The following FAM135B variants were observed in gnomAD, a reference collection of about 807,000 sequenced individuals.
FAM135B encodes the protein protein FAM135B.
A neutral mutation model predicts 127.7 loss-of-function variants in FAM135B; 43 were observed. That is an observed-to-expected ratio of 0.34 (90% CI 0.26 to 0.43). The LOEUF is 0.43. Among genes scored for constraint, FAM135B ranks in the 20% least tolerant of loss-of-function variants. The pLI, the probability that FAM135B is intolerant of heterozygous loss-of-function variation, is 1.00. For missense variants in FAM135B, 1,558 were observed against 1,725.6 expected (o/e 0.90, Z 1.72); for synonymous variants, 670 against 665.1 (o/e 1.01, Z -0.11).
chr8:138,151,308 C>G lies in FAM135B; in HGVS notation c.3167G>C (p.Gly1056Ala), dbSNP rs750416084. The stretch of plus-strand genomic sequence containing the variant: ...AAACAGGGTCTGTTTGGAAGAGAAT[C>G]CAGCCCTGGCAGGGGTCTCCTTGGG... ...SVPKETPARA[G>A]FSSKQTLFPI... Residue 1056 changes from glycine (G) to alanine (A), a missense_variant, in exon 13 of 20, where the codon GGA (glycine) becomes GCA (alanine). Physicochemically the swap from Gly to Ala is moderately conservative, Grantham distance 60 (BLOSUM62 0). Around this residue, in one of 5 missense-constraint regions of FAM135B, gnomAD observed 923 missense variants for 865.3 expected, o/e 1.07. Coordinates refer to ENST00000395297, the MANE Select transcript of FAM135B (RefSeq NM_015912.4). 2.5e-6 allele frequency: 4 copies of G among 1,613,878 alleles called. No homozygotes were observed. In the East Asian group the frequency reaches 8.9e-5, roughly 36 times the overall value.
chr8:138,344,591 T>C (rs78081713), intron 2 of FAM135B, among the ~76,000 whole-genome samples: 4 of 143,638 alleles, frequency 2.8e-5, no homozygotes, highest in Non-Finnish European at 6.3e-5. Flanking sequence ...TTTTTTTTTT[T>C]TTGTTAAGGA....
chr8:138,196,070 T>A (rs773803060), intron 8 of FAM135B, among the ~76,000 whole-genome samples: 2 of 152,234 alleles, frequency 1.3e-5, no homozygotes, highest in Non-Finnish European at 2.9e-5. Context: ...GAACTATTGA[T>A]ACATTAGTCA....
In FAM135B at chr8:138,241,240, C is replaced by T. The variant is rs1820744474; in HGVS notation, c.669+1702G>A. Among the ~76,000 whole-genome samples, 1 of 152,220 alleles carries T rather than the reference C, an allele frequency of 6.6e-6. No homozygotes were observed. Among genetic ancestry groups the T allele is most frequent in the Non-Finnish European group, 1.5e-5 (1 of 68,048 alleles). The stretch of plus-strand genomic sequence containing the variant: ...ACTGCTTTCCACTCGCTTTCTTACT[C>T]ATTCACTTCCTATGTGCTGGGCCCT... On this transcript the variant is annotated intron_variant, in intron 7 of 19. Transcript: ENST00000395297. This position sits in a 1 kb window ranked among gnomAD's most constrained non-coding sequence, Gnocchi z 4.8.
intron 2 of FAM135B, 103 bp from the exon 3 acceptor site, chr8:138,311,023 G>A: frequency 1.2e-6 from 1 of 863,790 alleles, no homozygotes; most frequent in Non-Finnish European, 1.8e-6. Context: ...AATCAGGGAA[G>A]TTTCTTGGCA....
intron 1 of FAM135B, among the ~76,000 whole-genome samples, chr8:138,404,106 T>C (rs1833312836): frequency 1.3e-5 from 2 of 152,142 alleles, no homozygotes; most frequent in South Asian, 2.1e-4. Context: ...GCAGGTTCAG[T>C]GCCAGACCAC....
intron 2 of FAM135B, among the ~76,000 whole-genome samples, chr8:138,315,773 G>T (rs914526275): frequency 1.4e-4 from 22 of 152,108 alleles, no homozygotes; most frequent in African/African-American, 4.1e-4. Context: ...AAAAATACAT[G>T]ATCTCACTTA....
At chr8:138,157,561 C>T (rs1377483931) in intron 12 of FAM135B, among the ~76,000 whole-genome samples, 1 of 141,554 alleles carries the variant, frequency 7.1e-6, no homozygotes, top group East Asian at 2.2e-4. Flanking sequence ...TTGTCTCAGC[C>T]CAAAATCTCC....
At chr8:138,451,040 C>T (rs914599359) in intron 1 of FAM135B, among the ~76,000 whole-genome samples, 21 of 152,134 alleles carry the variant, frequency 1.4e-4, no homozygotes, top group African/African-American at 4.6e-4. Flanking sequence ...GGCAGTCTGG[C>T]CCCAGGGTCT....
At chr8:138,164,264 T>G (rs904881574) in intron 12 of FAM135B, among the ~76,000 whole-genome samples, 1 of 152,062 alleles carries the variant, frequency 6.6e-6, no homozygotes, top group African/African-American at 2.4e-5. Context: ...AAAAGTAGTC[T>G]GAGGGATAGA....
chr8:138,321,797 GGCACCCA>G, intron 2 of FAM135B, among the ~76,000 whole-genome samples: 1 of 152,228 alleles, frequency 6.6e-6, no homozygotes, highest in Non-Finnish European at 1.5e-5. Flanking sequence ...AGGCACCTTG[GGCACCCA>G]GCATCACACT....
At chr8:138,274,431 A>C (rs900929456) in intron 3 of FAM135B, among the ~76,000 whole-genome samples, 2 of 152,188 alleles carry the variant, frequency 1.3e-5, no homozygotes, top group African/African-American at 4.8e-5. Flanking sequence ...AGGTAATAGA[A>C]TATCACAAGG....
chr8:138,182,343 C>G (rs558950178), intron 9 of FAM135B, among the ~76,000 whole-genome samples: 1 of 152,144 alleles, frequency 6.6e-6, no homozygotes. Context: ...TTCCAGAGAC[C>G]GAGGAGGCCC....
At chr8:138,222,994 A>G (rs1219529416) in intron 7 of FAM135B, among the ~76,000 whole-genome samples, 1 of 152,116 alleles carries the variant, frequency 6.6e-6, no homozygotes, top group African/African-American at 2.4e-5. Context: ...GCCTCCTCCA[A>G]CTGTGAACTG....
At position 138,282,629 on chromosome 8, in the gene FAM135B, A is replaced by G. The variant is rs116584874; in HGVS notation, c.158-16787T>C. Among the ~76,000 whole-genome samples, 468 of 152,342 alleles carry G rather than the reference A, an allele frequency of 3.1e-3. 5 individuals are homozygous for G. The highest frequency in any genetic ancestry group is 0.011 in the African/African-American group (441 of 41,590). On this transcript the variant is annotated intron_variant, in intron 3 of 19. Coordinates refer to ENST00000395297, the MANE Select transcript of FAM135B (RefSeq NM_015912.4). ...AAATGCAAACTTAAAACAGCGAGAT[A>G]CTGTTACACACCTATTAGAGTGGCT...
At chr8:138,446,823 A>G (rs1328604232) in intron 1 of FAM135B, among the ~76,000 whole-genome samples, 1 of 151,876 alleles carries the variant, frequency 6.6e-6, no homozygotes, top group Non-Finnish European at 1.5e-5. Flanking sequence ...ATTAAACTAA[A>G]GAGCTTCTGC....
At chr8:138,332,237 G>C (rs915867146) in intron 2 of FAM135B, among the ~76,000 whole-genome samples, 1 of 152,028 alleles carries the variant, frequency 6.6e-6, no homozygotes, top group African/African-American at 2.4e-5. Context: ...AAGGCTATGT[G>C]GACACCCGCT....
intron 2 of FAM135B, among the ~76,000 whole-genome samples, chr8:138,359,262 T>C (rs1384346605): frequency 6.6e-6 from 1 of 152,130 alleles, no homozygotes. Context: ...TACCTACCCC[T>C]TTGTGCTAGA....
chr8:138,353,304 C>T (rs924978825), intron 2 of FAM135B, among the ~76,000 whole-genome samples: 1 of 152,180 alleles, frequency 6.6e-6, no homozygotes, highest in African/African-American at 2.4e-5. Flanking sequence ...GGCTCTCTGG[C>T]TGCTGCTCTC....
At chr8:138,323,181 A>G (rs1279512770) in intron 2 of FAM135B, among the ~76,000 whole-genome samples, 1 of 152,212 alleles carries the variant, frequency 6.6e-6, no homozygotes, top group African/African-American at 2.4e-5. Flanking sequence ...TACTGTGATG[A>G]TCCTCTGCAT....
Sources: gnomAD v4.1 joint callset for allele counts (sites outside exome capture counted in the v4.1 genomes callset) on GRCh38, gnomAD v4.1.1 for gene constraint, gnomAD v4.1.1 regional missense constraint, Gnocchi (gnomAD v3.1) non-coding constraint, MANE v1.5 for transcripts, NCBI Gene and HGNC (gene_info 2026-07-23, HGNC 2026-07-21) for gene names.